GPC5: variants seen among roughly 807,000 people sequenced by gnomAD.
The protein encoded by GPC5 is glypican-5.
A neutral mutation model predicts 53.9 loss-of-function variants in GPC5; 47 were observed. The observed-to-expected ratio is 0.87, with a 90% CI of 0.69 to 1.11. The LOEUF (loss-of-function observed/expected upper bound fraction) is 1.11. GPC5 is among the 50% of genes most tolerant of loss of function. GPC5 has a pLI of 0.00. For missense variants in GPC5, 748 were observed against 713.1 expected (o/e 1.05, Z -0.56); for synonymous variants, 286 against 263.3 (o/e 1.09, Z -0.84).
chr13:91,469,639 G>T lies in GPC5; in HGVS notation c.325+20717G>T, dbSNP rs1049765759. ...TAAAAATTCCACTTTAATTTCAAAG[G>T]TTATATATTTTTTCTATTCAGTAAT... On this transcript the variant is annotated intron_variant, in intron 2 of 7. Coordinates refer to ENST00000377067, the MANE Select transcript of GPC5 (RefSeq NM_004466.6). 2.6e-5 allele frequency among the ~76,000 whole-genome samples: 4 copies of T among 152,030 alleles called. No individual in the cohort carries two copies. In the South Asian group the frequency reaches 6.2e-4, roughly 24 times the overall value.
chr13:92,068,254 A>G (rs541604618), intron 6 of GPC5, among the ~76,000 whole-genome samples: 1 of 151,930 alleles, frequency 6.6e-6, no homozygotes, highest in African/African-American at 2.4e-5. Context: ...AAAACTTTCC[A>G]GTTAATTTTA....
intron 7 of GPC5, among the ~76,000 whole-genome samples, chr13:92,518,605 C>G (rs558994858): frequency 6.6e-6 from 1 of 152,290 alleles, no homozygotes; most frequent in Admixed American, 6.5e-5. Flanking sequence ...CCAGGCCTGC[C>G]TTACAAGAGG....
At chr13:92,266,170 A>T (rs2139148459) in intron 7 of GPC5, among the ~76,000 whole-genome samples, 1 of 152,270 alleles carries the variant, frequency 6.6e-6, no homozygotes, top group African/African-American at 2.4e-5. Flanking sequence ...TTTAAAGCAT[A>T]ACTGGGTTCT....
At chr13:92,190,567 A>G (rs2042216309) in intron 7 of GPC5, among the ~76,000 whole-genome samples, 1 of 152,190 alleles carries the variant, frequency 6.6e-6, no homozygotes, top group Non-Finnish European at 1.5e-5. Context: ...ATAATGATAC[A>G]AGAGATAGGA....
At chr13:92,672,211 A>G (rs1038264811) in intron 7 of GPC5, among the ~76,000 whole-genome samples, 1 of 152,184 alleles carries the variant, frequency 6.6e-6, no homozygotes, top group African/African-American at 2.4e-5. Flanking sequence ...ATCTTGCCCC[A>G]GAAAAGCCAT....
At chr13:91,922,464 A>C (rs2039725077) in intron 6 of GPC5, among the ~76,000 whole-genome samples, 1 of 152,206 alleles carries the variant, frequency 6.6e-6, no homozygotes, top group Middle Eastern at 3.4e-3. Context: ...CAATTATTTC[A>C]ATATTCCAGA....
At chr13:92,634,756 C>T (rs1885360295) in intron 7 of GPC5, among the ~76,000 whole-genome samples, 1 of 151,836 alleles carries the variant, frequency 6.6e-6, no homozygotes, top group South Asian at 2.1e-4. Flanking sequence ...GCCCCTTTCC[C>T]TTGGATCCTA....
chr13:91,698,102 C>G (rs1012632060), intron 3 of GPC5, among the ~76,000 whole-genome samples: 14 of 151,976 alleles, frequency 9.2e-5, no homozygotes, highest in Admixed American at 2.6e-4. Flanking sequence ...GGGGTTTCAC[C>G]ATGTTGGCCA....
intron 7 of GPC5, among the ~76,000 whole-genome samples, chr13:92,387,507 A>T (rs9523659): frequency 0.55 from 84,169 of 151,926 alleles, 23,630 homozygotes; most frequent in African/African-American, 0.62. Flanking sequence ...TGTAAGTTGT[A>T]CAGCCTCACA....
At chr13:92,707,656 G>C (rs992597301) in intron 7 of GPC5, among the ~76,000 whole-genome samples, 2 of 151,818 alleles carry the variant, frequency 1.3e-5, no homozygotes. Context: ...TGTGTACTAA[G>C]AGCTAGACTC....
At chr13:91,752,615 G>A (rs993563898) in intron 4 of GPC5, among the ~76,000 whole-genome samples, 3 of 152,250 alleles carry the variant, frequency 2.0e-5, no homozygotes, top group African/African-American at 7.2e-5. Context: ...CTTTAACTTT[G>A]AAGTTTTCTT....
intron 7 of GPC5, among the ~76,000 whole-genome samples, chr13:92,159,429 T>C (rs1406521891): frequency 6.6e-6 from 1 of 152,064 alleles, no homozygotes; most frequent in African/African-American, 2.4e-5. Context: ...GCCAGCAATT[T>C]GGGGCGGGGA....
chr13:91,698,342 G>A (rs948081352), intron 3 of GPC5, among the ~76,000 whole-genome samples: 1 of 152,090 alleles, frequency 6.6e-6, no homozygotes, highest in African/African-American at 2.4e-5. Context: ...ACGGTGAATT[G>A]TATAATATAT....
At chr13:92,505,536 C>T (rs1247919540) in intron 7 of GPC5, among the ~76,000 whole-genome samples, 2 of 152,012 alleles carry the variant, frequency 1.3e-5, no homozygotes, top group Non-Finnish European at 2.9e-5. Flanking sequence ...TATAGTCACT[C>T]TTTAAGGTGG....
chr13:92,418,345 A>T (rs1470187346), intron 7 of GPC5, among the ~76,000 whole-genome samples: 1 of 132,344 alleles, frequency 7.6e-6, no homozygotes, highest in African/African-American at 3.1e-5. Flanking sequence ...TATATTTTTT[A>T]AAAAGAGAAC....
At chr13:92,824,514 G>T (rs541631174) in intron 7 of GPC5, among the ~76,000 whole-genome samples, 3 of 152,232 alleles carry the variant, frequency 2.0e-5, no homozygotes, top group Admixed American at 2.0e-4. Context: ...CTTAGTGGAA[G>T]AAGACAGCAT....
intron 5 of GPC5, among the ~76,000 whole-genome samples, chr13:91,773,811 C>T (rs2037665508): frequency 6.6e-6 from 1 of 152,162 alleles, no homozygotes; most frequent in African/African-American, 2.4e-5. Flanking sequence ...ACACAGAAAG[C>T]CTCAAGATGC....
chr13:92,091,337 T>C (rs1434585518), intron 6 of GPC5, among the ~76,000 whole-genome samples: 8 of 152,190 alleles, frequency 5.3e-5, no homozygotes, highest in Non-Finnish European at 1.2e-4. Flanking sequence ...ATTTTTAATA[T>C]TTCTTTTAAA....
chr13:92,207,946 C>T (rs924635397), intron 7 of GPC5, among the ~76,000 whole-genome samples: 1 of 152,218 alleles, frequency 6.6e-6, no homozygotes, highest in East Asian at 1.9e-4. Flanking sequence ...CTATTTGTAA[C>T]AATTAAACTT....
Sources: allele counts gnomAD v4.1 joint callset (sites outside exome capture counted in the v4.1 genomes callset), GRCh38; gene constraint gnomAD v4.1.1; transcripts MANE v1.5; gene names NCBI Gene and HGNC (gene_info 2026-07-23, HGNC 2026-07-21).